The following DACH2 variants were observed in gnomAD, a reference collection of about 807,000 sequenced individuals.
The protein encoded by DACH2 is dachshund family transcription factor 2, also known as dachshund homolog 2.
Under a neutral mutation model 35.8 loss-of-function variants are expected in DACH2, and 17 were observed. That is an observed-to-expected ratio of 0.48 (90% CI 0.33 to 0.71). The LOEUF is 0.71. DACH2 is among the 30% of genes least tolerant of loss of function. The pLI, the probability that DACH2 is intolerant of heterozygous loss-of-function variation, is 0.02. For synonymous variants in DACH2, 195 were observed against 177.3 expected (o/e 1.10, Z -0.79); for missense variants, 469 against 472.7 (o/e 0.99, Z 0.07).
intron 3 of DACH2, among the ~76,000 whole-genome samples, chrX:86,635,815 GCTAA>G (rs2040258502): frequency 1.8e-5 from 2 of 111,457 alleles, no homozygotes. Context: ...TAGGAATACA[GCTAA>G]CCAGGGAAGT....
chrX:86,658,490 G>A (rs757521134), intron 4 of DACH2, among the ~76,000 whole-genome samples: 2 of 111,364 alleles, frequency 1.8e-5, no homozygotes, highest in South Asian at 7.5e-4. Context: ...TTTGATTTGA[G>A]GTTTGTTTAA....
At chrX:86,708,009 A>G (rs1273960348) in intron 5 of DACH2, among the ~76,000 whole-genome samples, 1 of 108,612 alleles carries the variant, frequency 9.2e-6, no homozygotes, top group Non-Finnish European at 1.9e-5. Flanking sequence ...GATGTAATCT[A>G]TTACATCAGT....
chrX:86,476,433 T>C (rs1403941897), intron 2 of DACH2, among the ~76,000 whole-genome samples: 2 of 111,974 alleles, frequency 1.8e-5, no homozygotes, highest in Non-Finnish European at 3.8e-5. Context: ...TCTGGTTTAT[T>C]AGCAATAGTT....
chrX:86,226,893 C>A (rs983804508), intron 1 of DACH2, among the ~76,000 whole-genome samples: 56 of 110,950 alleles, frequency 5.0e-4, no homozygotes, highest in African/African-American at 1.6e-3. Context: ...ACACTAATTT[C>A]CTATTAAAAT....
At chrX:86,294,952 G>A (rs1358587253) in intron 1 of DACH2, among the ~76,000 whole-genome samples, 1 of 109,314 alleles carries the variant, frequency 9.1e-6, no homozygotes, top group Admixed American at 9.7e-5. Context: ...GCTCCACCCA[G>A]TTCGAGCTTC....
chrX:86,638,886 A>T (rs2040311176), intron 3 of DACH2, among the ~76,000 whole-genome samples: 1 of 112,243 alleles, frequency 8.9e-6, no homozygotes, highest in Non-Finnish European at 1.9e-5. Context: ...ACTACCATTC[A>T]ATCCAGCAGT....
intron 3 of DACH2, among the ~76,000 whole-genome samples, chrX:86,618,364 A>C (rs773601940): frequency 8.9e-6 from 1 of 112,504 alleles, no homozygotes; most frequent in South Asian, 3.6e-4. Flanking sequence ...ATGTTTGTTT[A>C]TCATGAATAA....
chrX:86,825,101 C>T (rs752197992), intron 11 of DACH2, among the ~76,000 whole-genome samples: 2 of 111,945 alleles, frequency 1.8e-5, no homozygotes, highest in East Asian at 5.6e-4. Context: ...GTACAAAACT[C>T]AAATCAATTA....
At chrX:86,655,689 A>C (rs1290367396) in intron 4 of DACH2, among the ~76,000 whole-genome samples, 4 of 111,583 alleles carry the variant, frequency 3.6e-5, no homozygotes, top group African/African-American at 6.5e-5. Context: ...AGACAAAAAA[A>C]ATCACTGTAT....
chrX:86,577,722 C>T (rs972954855), intron 3 of DACH2, among the ~76,000 whole-genome samples: 4 of 111,107 alleles, frequency 3.6e-5, no homozygotes, highest in African/African-American at 9.8e-5. Context: ...GCAGAACTTC[C>T]GGAGAGTGTA....
At chrX:86,691,887 A>G (rs1463424432) in intron 4 of DACH2, among the ~76,000 whole-genome samples, 2 of 112,029 alleles carry the variant, frequency 1.8e-5, no homozygotes, top group African/African-American at 6.5e-5. Flanking sequence ...GGTTAATAAA[A>G]GGCTGACTGT....
intron 1 of DACH2, among the ~76,000 whole-genome samples, chrX:86,342,774 A>C (rs905791905): frequency 3.6e-5 from 4 of 110,003 alleles, no homozygotes; most frequent in Admixed American, 2.0e-4. Flanking sequence ...AGCCTGGGTG[A>C]TGGAGTGAGA....
intron 1 of DACH2, among the ~76,000 whole-genome samples, chrX:86,169,484 A>ATC (rs2031053317): frequency 1.8e-5 from 2 of 110,844 alleles, no homozygotes; most frequent in Admixed American, 1.9e-4. Context: ...TTCTACACTT[A>ATC]TCTCTACCCC....
At chrX:86,829,304 A>G (rs1402287036) in intron 11 of DACH2, 3 of 112,164 alleles carry the variant, frequency 2.7e-5, no homozygotes, top group Non-Finnish European at 5.6e-5. Context: ...ACTTTTATTA[A>G]TATCAAATAT....
At chrX:86,295,700 G>A (rs1177533437) in intron 1 of DACH2, among the ~76,000 whole-genome samples, 1 of 110,913 alleles carries the variant, frequency 9.0e-6, no homozygotes, top group Non-Finnish European at 1.9e-5. Context: ...TTGTAAGAGG[G>A]CAACACTGAG....
At chrX:86,285,035 A>G (rs1386601055) in intron 1 of DACH2, among the ~76,000 whole-genome samples, 1 of 110,850 alleles carries the variant, frequency 9.0e-6, no homozygotes, top group African/African-American at 3.3e-5. Flanking sequence ...ATCTTCTCTC[A>G]TTTATTTAAT....
Position 86,598,952 on chromosome X carries a change from C to G in DACH2, c.641-52084C>G, listed in dbSNP as rs897243877. On this transcript the variant is annotated intron_variant, in intron 3 of 11. Coordinates refer to ENST00000373125, the MANE Select transcript of DACH2 (RefSeq NM_053281.3). ...ATATCTCCTAATGCTATCCCTCGCC[C>G]CTCCCGCCACCCCACGACAGGCCCC... 3.9e-4 allele frequency among the ~76,000 whole-genome samples: 43 copies of G among 110,068 alleles called. 1 individual carries two copies. The highest frequency in any genetic ancestry group is 3.3e-4 in the African/African-American group (10 of 30,047).
chrX:86,676,917 T>C lies in DACH2; in HGVS notation c.773-18104T>C, dbSNP rs777521474. Among the ~76,000 whole-genome samples, 298 of 111,570 alleles carry C rather than the reference T, an allele frequency of 2.7e-3. 2 individuals carry two copies. Among genetic ancestry groups the C allele is most frequent in the Non-Finnish European group, 4.0e-3 (215 of 53,105 alleles). ...ACTAGATTAGTACAGTTACATATTC[T>C]AAATTTATTAGTTTAGTTTTACTGT... is the stretch of plus-strand genomic sequence containing the variant. On this transcript the variant is annotated intron_variant, in intron 4 of 11. Transcript: ENST00000373125.
intron 1 of DACH2, among the ~76,000 whole-genome samples, chrX:86,195,043 A>G (rs2031940395): frequency 8.9e-6 from 1 of 112,640 alleles, no homozygotes; most frequent in South Asian, 3.6e-4. Flanking sequence ...CTCCATGGCC[A>G]TGCACCAGTC....
Sources: gnomAD v4.1 joint callset for allele counts (sites outside exome capture counted in the v4.1 genomes callset) on GRCh38, gnomAD v4.1.1 for gene constraint, MANE v1.5 for transcripts, NCBI Gene and HGNC (gene_info 2026-07-23, HGNC 2026-07-21) for gene names.